ADAMTSL1: variants seen among roughly 807,000 people sequenced by gnomAD.
The protein encoded by ADAMTSL1 is ADAMTS-like protein 1.
In ADAMTSL1, 126 loss-of-function variants were observed where a neutral mutation model predicts 201.8. The observed-to-expected ratio is 0.62, with a 90% CI of 0.54 to 0.72. The LOEUF is 0.72. Ranked by LOEUF, ADAMTSL1 falls within the 30% of genes least tolerant of loss-of-function variation. ADAMTSL1 has a pLI of 0.00. For synonymous variants in ADAMTSL1, 1,121 were observed against 903.4 expected, an observed-to-expected ratio of 1.24 and a Z score of -4.32; for missense variants, 2,679 against 2,277.8, an observed-to-expected ratio of 1.18 and a Z score of -3.59.
At chr9:18,803,652 C>A (rs1822934729) in intron 20 of ADAMTSL1, among the ~76,000 whole-genome samples, 1 of 152,046 alleles carries the variant, frequency 6.6e-6, no homozygotes, top group Non-Finnish European at 1.5e-5. Context: ...TTAGAGACAC[C>A]AAACCAAAAA....
intron 2 of ADAMTSL1, among the ~76,000 whole-genome samples, chr9:18,353,653 G>A (rs932078464): frequency 4.6e-5 from 7 of 152,178 alleles, no homozygotes; most frequent in Non-Finnish European, 1.0e-4. Context: ...TGGGTTAGAT[G>A]TACTATTAAG....
intron 1 of ADAMTSL1, among the ~76,000 whole-genome samples, chr9:18,128,819 T>G (rs1345389944): frequency 6.6e-6 from 1 of 152,188 alleles, no homozygotes; most frequent in Non-Finnish European, 1.5e-5. Context: ...AGCACCCTTA[T>G]AAACATAACC....
intron 1 of ADAMTSL1, among the ~76,000 whole-genome samples, chr9:17,920,574 G>A (rs530024404): frequency 1.3e-5 from 2 of 152,190 alleles, no homozygotes; most frequent in South Asian, 4.2e-4. Context: ...GCATCACCGC[G>A]TTCTCTTTTG....
At chr9:18,180,087 G>A (rs908223617) in intron 2 of ADAMTSL1, among the ~76,000 whole-genome samples, 6 of 152,116 alleles carry the variant, frequency 3.9e-5, no homozygotes, top group African/African-American at 1.4e-4. Context: ...TGGCAAATTG[G>A]ATAAAGAGTC....
chr9:18,028,027 A>G (rs1820774595), intron 1 of ADAMTSL1, among the ~76,000 whole-genome samples: 1 of 152,082 alleles, frequency 6.6e-6, no homozygotes, highest in Non-Finnish European at 1.5e-5. Context: ...ATACAAGAAT[A>G]GTGACCTCTG....
intron 1 of ADAMTSL1, among the ~76,000 whole-genome samples, chr9:17,943,057 G>C (rs1386689054): frequency 6.6e-6 from 1 of 152,084 alleles, no homozygotes; most frequent in Non-Finnish European, 1.5e-5. Context: ...AAGTAGCTGG[G>C]ATTAGAGGTG....
At chr9:18,126,018 T>C (rs1698355581) in intron 1 of ADAMTSL1, among the ~76,000 whole-genome samples, 1 of 152,168 alleles carries the variant, frequency 6.6e-6, no homozygotes, top group Non-Finnish European at 1.5e-5. Context: ...GAACCCTGCC[T>C]GACGTACCTG....
intron 3 of ADAMTSL1, among the ~76,000 whole-genome samples, chr9:18,544,569 A>T (rs531655131): frequency 6.6e-6 from 1 of 152,100 alleles, no homozygotes; most frequent in Non-Finnish European, 1.5e-5. Flanking sequence ...GGGTTTAGCA[A>T]TAGTTGTAAA....
chr9:18,729,679 G>A (rs932378526), intron 15 of ADAMTSL1, among the ~76,000 whole-genome samples: 10 of 152,252 alleles, frequency 6.6e-5, no homozygotes, highest in Admixed American at 1.3e-4. Flanking sequence ...AGCATTGTGT[G>A]GGAGATACAG....
At chr9:18,789,505 C>T (rs894757094) in intron 19 of ADAMTSL1, among the ~76,000 whole-genome samples, 14 of 152,140 alleles carry the variant, frequency 9.2e-5, no homozygotes, top group African/African-American at 2.2e-4. Flanking sequence ...TTTTCAGCCC[C>T]GTTGCTTTGA....
At chr9:18,018,645 C>G (rs987405070) in intron 1 of ADAMTSL1, among the ~76,000 whole-genome samples, 1 of 151,982 alleles carries the variant, frequency 6.6e-6, no homozygotes, top group Admixed American at 6.6e-5. Context: ...TATGCAAACC[C>G]CATCAATTAA....
intron 1 of ADAMTSL1, among the ~76,000 whole-genome samples, chr9:17,970,086 T>C (rs1004526768): frequency 1.1e-4 from 16 of 152,084 alleles, no homozygotes; most frequent in Non-Finnish European, 2.1e-4. Context: ...TCTATGTTTC[T>C]AATTGGGTAT....
In ADAMTSL1 at chr9:18,231,220, C is replaced by T. The variant is rs151003985; in HGVS notation, c.207+67239C>T. On this transcript the variant is annotated intron_variant, in intron 2 of 29. Coordinates refer to the ADAMTSL1 transcript ENST00000680146. ...TTCTCTGTACCCCTTGGTACCAAAA[C>T]ATTTCATATATGTTCTGTACTTGCT... Among the ~76,000 whole-genome samples, 3 of 152,314 alleles carry T rather than the reference C, an allele frequency of 2.0e-5. No individual in the cohort carries two copies. In the East Asian group the frequency reaches 5.8e-4, roughly 29 times the overall value.
At chr9:18,478,869 G>A (rs561977573) in intron 1 of ADAMTSL1, among the ~76,000 whole-genome samples, 7 of 152,232 alleles carry the variant, frequency 4.6e-5, no homozygotes, top group Non-Finnish European at 7.4e-5. Flanking sequence ...TTAGAGAGCT[G>A]GCTTCAAACT....
At chr9:18,438,316 T>C (rs1025896978) in intron 2 of ADAMTSL1, among the ~76,000 whole-genome samples, 3 of 152,018 alleles carry the variant, frequency 2.0e-5, no homozygotes, top group Non-Finnish European at 4.4e-5. Context: ...TAACTTCTGG[T>C]GAAAATGGAG....
Position 18,675,453 on chromosome 9 carries a change from G to A in ADAMTSL1, c.1086-404G>A, listed in dbSNP as rs574245317. The stretch of plus-strand genomic sequence containing the variant: ...TCTCTCTTTCATCAGAAGTGAGACA[G>A]TTACTGTAATTGCTTGGCGAGCATC... On this transcript the variant is annotated intron_variant, in intron 9 of 28. Coordinates refer to ENST00000380548, the MANE Select transcript of ADAMTSL1 (RefSeq NM_001040272.6). Among the ~76,000 whole-genome samples the A allele has an allele frequency of 2.0e-5, 3 of 152,264 alleles. No homozygotes were observed. The South Asian group carries it at 6.2e-4, about 32-fold the overall frequency.
At chr9:18,105,846 A>G (rs111398401) in intron 1 of ADAMTSL1, among the ~76,000 whole-genome samples, 26 of 152,318 alleles carry the variant, frequency 1.7e-4, no homozygotes, top group African/African-American at 6.3e-4. Flanking sequence ...TCCTCTGGAG[A>G]GTAGAACAAA....
At chr9:18,575,304 A>G (rs1394910308) in intron 4 of ADAMTSL1, among the ~76,000 whole-genome samples, 2 of 152,184 alleles carry the variant, frequency 1.3e-5, no homozygotes. Flanking sequence ...CAACCTTCCT[A>G]AAGTTTAAAA....
intron 26 of ADAMTSL1, 176 bp from the exon 27 acceptor site, chr9:18,905,606 T>C (rs192498762): frequency 6.7e-5 from 39 of 580,962 alleles, no homozygotes; most frequent in Middle Eastern, 9.3e-4. Context: ...AACCATCCCA[T>C]AAAGAAAACG....
Sources: allele counts gnomAD v4.1 joint callset (sites outside exome capture counted in the v4.1 genomes callset), GRCh38; gene constraint gnomAD v4.1.1; transcripts MANE v1.5; gene names NCBI Gene and HGNC (gene_info 2026-07-23, HGNC 2026-07-21).